Variants in C1QTNF3 observed in about 807,000 individuals in gnomAD.
C1QTNF3 encodes the protein complement C1q tumor necrosis factor-related protein 3.
In C1QTNF3, 26 loss-of-function variants were observed where a neutral mutation model predicts 32.6. The ratio of observed to expected loss-of-function variants is 0.80; its 90% confidence interval spans 0.58 to 1.11. The LOEUF (loss-of-function observed/expected upper bound fraction) is 1.11. Ranked by LOEUF, C1QTNF3 falls within the 50% of genes least tolerant of loss-of-function variation. The pLI, the probability that C1QTNF3 is intolerant of heterozygous loss-of-function variation, is 0.00. For missense variants in C1QTNF3, 362 were observed against 398.2 expected (o/e 0.91, Z 0.77); for synonymous variants, 155 against 146.0 (o/e 1.06, Z -0.44).
the C1QTNF3 span, among the ~76,000 whole-genome samples, chr5:34,211,397 C>G: frequency 6.6e-6 from 1 of 150,694 alleles, no homozygotes; most frequent in African/African-American, 2.4e-5. Flanking sequence ...TGTATACCCC[C>G]TTTTTTTTTA....
the C1QTNF3 span, among the ~76,000 whole-genome samples, chr5:34,056,685 T>A: frequency 2.6e-5 from 4 of 151,790 alleles, no homozygotes; most frequent in South Asian, 4.2e-4. Context: ...GCTAATTTTT[T>A]CTTTTGGTAA....
the C1QTNF3 span, among the ~76,000 whole-genome samples, chr5:34,057,937 T>C: frequency 2.0e-5 from 3 of 152,096 alleles, no homozygotes; most frequent in African/African-American, 7.2e-5. Flanking sequence ...AAAAGGGACT[T>C]TGGTTGTTTT....
the C1QTNF3 span, among the ~76,000 whole-genome samples, chr5:34,140,744 T>G: frequency 3.7e-4 from 57 of 152,368 alleles, no homozygotes; most frequent in African/African-American, 1.2e-3. Flanking sequence ...TGCTTTAGAT[T>G]GGAAAGATGA....
At chr5:34,158,138 C>T in the C1QTNF3 span, 1 of 149,966 alleles carries the variant, frequency 6.7e-6, no homozygotes. Context: ...ACAGAGTCTC[C>T]CTCTGTCGCA....
At chr5:34,089,618 A>G in the C1QTNF3 span, among the ~76,000 whole-genome samples, 3 of 152,240 alleles carry the variant, frequency 2.0e-5, no homozygotes, top group African/African-American at 7.2e-5. Context: ...AAATTTGTTT[A>G]TAAGTTACCC....
rs779018533 is a variant in C1QTNF3, at chr5:34,020,703, A to G, written c.840T>C (p.His280=). 1 of 1,614,196 alleles carries G rather than the reference A, an allele frequency of 6.2e-7. No individual in the cohort carries two copies. The highest frequency in any genetic ancestry group is 1.7e-5 in the Admixed American group (1 of 60,028). Residue 280 remains histidine (H), a synonymous_variant, in exon 6 of 6, where the codon CAT becomes CAC. Transcript: ENST00000382065. ...CCCCTTTGGCTAGCTTCAGCACAGCATGATTGCTGGATGTATCTGATTTGC... is the reference window on the plus strand; with the variant it reads ...CCCCTTTGGCTAGCTTCAGCACAGCGTGATTGCTGGATGTATCTGATTTGC... The part of the protein sequence containing the change: ...MKGKSDTSSN[H]AVLKLAKGDE...
chr5:34,085,162 TTG>T, the C1QTNF3 span, among the ~76,000 whole-genome samples: 1 of 149,960 alleles, frequency 6.7e-6, no homozygotes, highest in Admixed American at 6.6e-5. Flanking sequence ...GGCTAATTTT[TTG>T]TGTTTTTTTT....
At chr5:34,113,341 G>A in the C1QTNF3 span, among the ~76,000 whole-genome samples, 1 of 150,872 alleles carries the variant, frequency 6.6e-6, no homozygotes, top group South Asian at 2.1e-4. Flanking sequence ...GGCAGATTCG[G>A]TGAACAAGCA....
chr5:34,065,549 C>A, the C1QTNF3 span, among the ~76,000 whole-genome samples: 1 of 152,096 alleles, frequency 6.6e-6, no homozygotes, highest in African/African-American at 2.4e-5. Context: ...TGCCTGTAAT[C>A]CCAGCTACTA....
chr5:34,201,131 G>A, the C1QTNF3 span, among the ~76,000 whole-genome samples: 3 of 151,830 alleles, frequency 2.0e-5, no homozygotes, highest in African/African-American at 7.3e-5. Flanking sequence ...CACAGTACCT[G>A]CTACATAGAT....
At chr5:34,212,144 G>C in the C1QTNF3 span, among the ~76,000 whole-genome samples, 1 of 151,762 alleles carries the variant, frequency 6.6e-6, no homozygotes, top group Non-Finnish European at 1.5e-5. Context: ...AGAAAAATAA[G>C]CAATGGGGAA....
At chr5:34,161,313 A>T in the C1QTNF3 span, among the ~76,000 whole-genome samples, 2 of 152,182 alleles carry the variant, frequency 1.3e-5, no homozygotes, top group Non-Finnish European at 2.9e-5. Context: ...AGGAGCTTTA[A>T]AAAAACATAA....
upstream of C1QTNF3, among the ~76,000 whole-genome samples, chr5:34,045,663 C>A (rs1471777595): frequency 6.6e-6 from 1 of 152,054 alleles, no homozygotes; most frequent in African/African-American, 2.4e-5. Flanking sequence ...ATCTGTCTTT[C>A]CAGAGTGAGT....
chr5:34,048,603 C>A, the C1QTNF3 span, among the ~76,000 whole-genome samples: 2 of 151,322 alleles, frequency 1.3e-5, no homozygotes, highest in Non-Finnish European at 2.9e-5. Flanking sequence ...GAGAAGAATT[C>A]TGGGAATATA....
At chr5:34,162,148 C>G in the C1QTNF3 span, among the ~76,000 whole-genome samples, 1 of 152,066 alleles carries the variant, frequency 6.6e-6, no homozygotes, top group African/African-American at 2.4e-5. Flanking sequence ...CAGACTCTCA[C>G]AGACTTGTTA....
the C1QTNF3 span, among the ~76,000 whole-genome samples, chr5:34,176,594 G>A: frequency 6.6e-6 from 1 of 152,234 alleles, no homozygotes; most frequent in South Asian, 2.1e-4. Flanking sequence ...GGAAAAATAC[G>A]TCTTTAGGTC....
the C1QTNF3 span, among the ~76,000 whole-genome samples, chr5:34,075,199 G>T: frequency 5.9e-5 from 9 of 151,616 alleles, no homozygotes; most frequent in Non-Finnish European, 1.2e-4. Context: ...GGATATGCAT[G>T]GATGAAAAAA....
At chr5:34,201,938 T>G in the C1QTNF3 span, among the ~76,000 whole-genome samples, 3 of 152,190 alleles carry the variant, frequency 2.0e-5, no homozygotes, top group Non-Finnish European at 4.4e-5. Context: ...CTATTAAAAC[T>G]TTAAGCTTCT....
the C1QTNF3 span, among the ~76,000 whole-genome samples, chr5:34,157,033 T>C: frequency 6.6e-6 from 1 of 152,210 alleles, no homozygotes; most frequent in Non-Finnish European, 1.5e-5. Context: ...AAATCAAAAC[T>C]TTAGAGTTTA....
Sources: allele counts gnomAD v4.1 joint callset (sites outside exome capture counted in the v4.1 genomes callset), GRCh38; gene constraint gnomAD v4.1.1; transcripts MANE v1.5; gene names NCBI Gene and HGNC (gene_info 2026-07-23, HGNC 2026-07-21).